SEMA6D: variants seen among roughly 807,000 people sequenced by gnomAD.
SEMA6D encodes semaphorin 6D, also known as semaphorin-6D.
A neutral mutation model predicts 106.6 loss-of-function variants in SEMA6D; 35 were observed. The ratio of observed to expected loss-of-function variants is 0.33; its 90% CI spans 0.25 to 0.44. The LOEUF (loss-of-function observed/expected upper bound fraction) is 0.44. Ranked by LOEUF, SEMA6D falls within the 20% of genes least tolerant of loss-of-function variation. SEMA6D has a pLI of 1.00. For missense variants in SEMA6D, 1,185 were observed against 1,345.9 expected, an observed-to-expected ratio of 0.88 and a Z score of 1.87; for synonymous variants, 499 against 487.7, an observed-to-expected ratio of 1.02 and a Z score of -0.31.
At chr15:47,738,688 G>A (rs2080602059) in intron 1 of SEMA6D, among the ~76,000 whole-genome samples, 1 of 152,210 alleles carries the variant, frequency 6.6e-6, no homozygotes, top group African/African-American at 2.4e-5. Flanking sequence ...AGCGAGTGCT[G>A]AGGGGATCCA....
intron 4 of SEMA6D, among the ~76,000 whole-genome samples, chr15:47,637,629 T>C: frequency 6.6e-6 from 1 of 152,110 alleles, no homozygotes; most frequent in East Asian, 1.9e-4. Context: ...AGTAAATAGG[T>C]GTGATGCTAT....
intron 1 of SEMA6D, among the ~76,000 whole-genome samples, chr15:47,723,799 A>G (rs1024689362): frequency 1.3e-5 from 2 of 152,208 alleles, no homozygotes; most frequent in African/African-American, 2.4e-5. Context: ...GGTTCTCAAC[A>G]TATATTTACA....
At chr15:47,471,904 T>TTCTCTCTC (rs375802887) in intron 3 of SEMA6D, among the ~76,000 whole-genome samples, 30 of 123,712 alleles carry the variant, frequency 2.4e-4, no homozygotes, top group Middle Eastern at 4.5e-3. Context: ...GCTGTGCTCT[T>TTCTCTCTC]TCTCTCTCTC....
At chr15:47,258,277 C>A (rs893928974) in intron 1 of SEMA6D, among the ~76,000 whole-genome samples, 1 of 151,928 alleles carries the variant, frequency 6.6e-6, no homozygotes, top group Admixed American at 6.6e-5. Context: ...ATGTTAGAAC[C>A]GAATATATTT....
chr15:47,367,363 C>T (rs1437764421), intron 1 of SEMA6D, among the ~76,000 whole-genome samples: 1 of 152,104 alleles, frequency 6.6e-6, no homozygotes, highest in African/African-American at 2.4e-5. Flanking sequence ...TAGACAGCAA[C>T]CCTCAGGTCA....
At chr15:47,511,157 C>T (rs1414809966) in intron 3 of SEMA6D, among the ~76,000 whole-genome samples, 4 of 152,100 alleles carry the variant, frequency 2.6e-5, no homozygotes, top group African/African-American at 9.7e-5. Flanking sequence ...ATTAAGTGTT[C>T]ATCTTTTTTC....
At position 47,415,756 on chromosome 15, in the gene SEMA6D, A is replaced by G. The variant is rs117319196; in HGVS notation, c.-159+3284A>G. Among the ~76,000 whole-genome samples the G allele has an allele frequency of 3.4e-3, 521 of 152,348 alleles. 3 individuals are homozygous for G. The highest frequency in any genetic ancestry group is 0.01 in the Middle Eastern group (3 of 294). ...GGGTGGGGGGAAATGTCTTAGGTCA[A>G]CAAACACAATTTGCTGGAACATACC... On this transcript the variant is annotated intron_variant, in intron 2 of 19. Transcript: ENST00000558014.
chr15:47,453,670 G>C (rs894819781), intron 2 of SEMA6D, among the ~76,000 whole-genome samples: 1 of 151,942 alleles, frequency 6.6e-6, no homozygotes, highest in Non-Finnish European at 1.5e-5. Flanking sequence ...CAAAGAGGCA[G>C]AATCAAATGT....
chr15:47,562,433 G>A (rs1190074028), intron 3 of SEMA6D, among the ~76,000 whole-genome samples: 2 of 151,968 alleles, frequency 1.3e-5, no homozygotes, highest in Non-Finnish European at 2.9e-5. Flanking sequence ...TAAAAAGCTT[G>A]ACAAATAGGA....
chr15:47,447,884 T>C (rs1469233394), intron 2 of SEMA6D, among the ~76,000 whole-genome samples: 8 of 152,146 alleles, frequency 5.3e-5, no homozygotes, highest in African/African-American at 1.7e-4. Flanking sequence ...TTGAATTGTA[T>C]TGGAGGATGC....
chr15:47,334,710 T>A (rs1353159962), intron 1 of SEMA6D, among the ~76,000 whole-genome samples: 1 of 152,078 alleles, frequency 6.6e-6, no homozygotes, highest in Non-Finnish European at 1.5e-5. Context: ...AGAAAAAGGA[T>A]GAAAGAATGG....
intron 4 of SEMA6D, among the ~76,000 whole-genome samples, chr15:47,652,243 CAA>C (rs2077706180): frequency 6.6e-6 from 1 of 152,048 alleles, no homozygotes; most frequent in African/African-American, 2.4e-5. Context: ...ATATGAGAGA[CAA>C]AGAGGAGAAA....
rs1000152722 is a variant in SEMA6D, at chr15:47,407,423, A to C, written c.-238-4970A>C. 4.5e-4 allele frequency among the ~76,000 whole-genome samples: 68 copies of C among 151,374 alleles called. 1 individual carries two copies. Among genetic ancestry groups the C allele is most frequent in the Non-Finnish European group, 6.6e-4 (45 of 67,768 alleles). On this transcript the variant is annotated intron_variant, in intron 1 of 19. Transcript: ENST00000558014. Reference sequence around the variant, plus strand: ...AACAACAACAACAAAAAAAACAAAAAAAACAAACAAAAATACTTAATAAAG... The same window carrying C: ...AACAACAACAACAAAAAAAACAAAACAAACAAACAAAAATACTTAATAAAG...
chr15:47,277,299 C>T (rs954141891), intron 1 of SEMA6D, among the ~76,000 whole-genome samples: 1 of 152,112 alleles, frequency 6.6e-6, no homozygotes. Flanking sequence ...TGAAAGAAGT[C>T]ATACTGTGGG....
chr15:47,587,930 A>T (rs913655392), intron 3 of SEMA6D, among the ~76,000 whole-genome samples: 4 of 152,098 alleles, frequency 2.6e-5, no homozygotes, highest in Admixed American at 6.5e-5. Context: ...TGAGATGGCA[A>T]CATTGATTTA....
chr15:47,575,041 A>G (rs1596346266), intron 3 of SEMA6D, among the ~76,000 whole-genome samples: 1 of 152,342 alleles, frequency 6.6e-6, no homozygotes, highest in South Asian at 2.1e-4. Context: ...GGACTTTCAA[A>G]TGGTGTTTGT....
At chr15:47,223,476 C>T (rs976254510) in intron 1 of SEMA6D, among the ~76,000 whole-genome samples, 26 of 151,798 alleles carry the variant, frequency 1.7e-4, no homozygotes, top group African/African-American at 6.0e-4. Context: ...TATTTTTTGT[C>T]GCCTGTGGCA....
chr15:47,494,085 A>T (rs937852422), intron 3 of SEMA6D, among the ~76,000 whole-genome samples: 1 of 152,122 alleles, frequency 6.6e-6, no homozygotes, highest in African/African-American at 2.4e-5. Context: ...CCCACTTGGA[A>T]GTGTATTGAG....
chr15:47,583,645 G>C (rs2076289589), intron 3 of SEMA6D, among the ~76,000 whole-genome samples: 1 of 152,158 alleles, frequency 6.6e-6, no homozygotes, highest in Non-Finnish European at 1.5e-5. Context: ...ATTTCTACCT[G>C]AGTGTAAACC....
Sources: gnomAD v4.1 joint callset for allele counts (sites outside exome capture counted in the v4.1 genomes callset) on GRCh38, gnomAD v4.1.1 for gene constraint, MANE v1.5 for transcripts, NCBI Gene and HGNC (gene_info 2026-07-23, HGNC 2026-07-21) for gene names.